Variants in TET2 observed in about 807,000 individuals in gnomAD.
TET2 encodes tet methylcytosine dioxygenase 2.
A neutral mutation model predicts 142.9 loss-of-function variants in TET2; 299 were observed. The observed-to-expected ratio is 2.09, with a 90% CI of 1.90 to 2.30. The LOEUF is 2.30. Ranked by LOEUF, TET2 falls within the 30% of genes most tolerant of loss-of-function variation. The pLI is 0.00. For synonymous variants in TET2, 819 were observed against 849.0 expected, an observed-to-expected ratio of 0.96 and a Z score of 0.61; for missense variants, 2,418 against 2,378.0, an observed-to-expected ratio of 1.02 and a Z score of -0.35.
intron 2 of TET2, among the ~76,000 whole-genome samples, chr4:105,195,124 A>T (rs1056129250): frequency 1.3e-5 from 2 of 152,190 alleles, no homozygotes; most frequent in African/African-American, 4.8e-5. Flanking sequence ...AAAGCATGCT[A>T]AAATAGACTG....
rs1728885827 is a variant in TET2 at position 105,236,218 on chromosome 4, C to A, written c.2276C>A (p.Thr759Asn). ...AAGAATAAAGAGGAAATACTCCAGA[C>A]TTTTCCTCACCCCCAAAGCAACAAT... The part of the protein sequence containing the change: ...QIKNKEEILQ[T>N]FPHPQSNNDQ... Residue 759 changes from threonine to asparagine, a missense_variant, in exon 3 of 11, where the codon ACT becomes AAT. Coordinates refer to ENST00000380013, the MANE Select transcript of TET2 (RefSeq NM_001127208.3). 3 of 1,614,106 alleles carry A rather than the reference C, an allele frequency of 1.9e-6. No individual in the cohort carries two copies. The highest frequency in any genetic ancestry group is 2.5e-6 in the Non-Finnish European group (3 of 1,180,000).
intron 1 of TET2, among the ~76,000 whole-genome samples, chr4:105,161,122 G>A (rs1189205764): frequency 6.6e-6 from 1 of 152,078 alleles, no homozygotes; most frequent in Non-Finnish European, 1.5e-5. Flanking sequence ...TTATCTGACC[G>A]AATCTATTAT....
chr4:105,244,584 A>ATCTTTTTTTTTTTTTTT lies in TET2; in HGVS notation c.3803+807_3803+808insCTTTTTTTTTTTTTTTT, dbSNP rs1237638072. The stretch of plus-strand genomic sequence containing the variant: ...TGAATGTTCACGGTGCTACACAGAA[A>ATCTTTTTTTTTTTTTTT]TGTTTTTTTTTTTTTTTTTTTTTTT... On this transcript the variant is annotated intron_variant, in intron 6 of 10. Coordinates refer to ENST00000380013, the MANE Select transcript of TET2 (RefSeq NM_001127208.3). Among the ~76,000 whole-genome samples the ATCTTTTTTTTTTTTTTT allele has an allele frequency of 7.9e-4, 92 of 116,762 alleles. 9 individuals carry two copies. The highest frequency in any genetic ancestry group is 1.2e-3 in the Non-Finnish European group (72 of 58,238). 76.6% of individuals were successfully genotyped at this position (116,762 alleles called of 152,430 possible).
rs999684061 is a variant in TET2, at chr4:105,235,271, A to G, written c.1329A>G (p.Thr443=). Residue 443 remains threonine, a synonymous_variant, in exon 3 of 11, where the codon ACA becomes ACG. Transcript: ENST00000380013. ...EHHHYPNQSN[T]TLLREVKIEG... ...ACCACTACCCCAACCAAAGTAACAC[A>G]ACACTTTTAAGGGAAGTGAAAATAG... 3.7e-6 allele frequency: 6 copies of G among 1,614,140 alleles called. No individual in the cohort carries two copies. Among genetic ancestry groups the G allele is most frequent in the Middle Eastern group, 1.6e-4 (1 of 6,062 alleles).
chr4:105,204,797 G>A (rs1726718993), intron 2 of TET2, among the ~76,000 whole-genome samples: 1 of 151,896 alleles, frequency 6.6e-6, no homozygotes, highest in African/African-American at 2.4e-5. Context: ...TGTATCTGTA[G>A]GTACAGCACC....
At chr4:105,250,432 A>G (rs1305247051) in intron 6 of TET2, among the ~76,000 whole-genome samples, 5 of 101,018 alleles carry the variant, frequency 4.9e-5, no homozygotes, top group South Asian at 3.1e-4. Context: ...GAGTCTTACT[A>G]TATTACCCAA....
At position 105,275,197 on chromosome 4, in the gene TET2, T is replaced by C; in HGVS notation, c.4687T>C (p.Ser1563Pro). 1.3e-6 allele frequency: 2 copies of C among 1,552,314 alleles called. No individual in the cohort carries two copies. The highest frequency in any genetic ancestry group is 8.7e-7 in the Non-Finnish European group (1 of 1,147,124). ...AGAGTCTGTCAACTCTTATTCTGCT[T>C]CTGGATCCACCAATCCATACATGAG... ...QTESVNSYSA[S>P]GSTNPYMRRP... The change falls in exon 11 of 11, where the codon TCT (serine) becomes CCT (proline). Residue 1563 changes from serine to proline, a missense_variant. Ser to Pro is a moderately conservative substitution (Grantham distance 74, BLOSUM62 -1). Coordinates refer to ENST00000380013, the MANE Select transcript of TET2 (RefSeq NM_001127208.3).
Position 105,261,815 on chromosome 4 carries a change from TAAGAAACTTGCACCTGATGCATA to T in TET2, c.4012_4034del (p.Lys1338Ter). 6.5e-7 allele frequency: 1 copy of T among 1,549,324 alleles called. No individual in the cohort carries two copies. The highest frequency in any genetic ancestry group is 8.7e-7 in the Non-Finnish European group (1 of 1,145,522). ...TGTCCACTCTTATGGCACCAACATA[TAAGAAACTTGCACCTGATGCATA>T]TAATAATCAGGTAAGTTTAAATAAT... On this transcript the variant is annotated frameshift_variant, in exon 8 of 11. Transcript: ENST00000380013. LOFTEE classifies it high-confidence loss of function.
At chr4:105,190,203 A>G (rs1324414046) in intron 1 of TET2, among the ~76,000 whole-genome samples, 157 bp from the exon 2 acceptor site, 4 of 152,196 alleles carry the variant, frequency 2.6e-5, no homozygotes, top group Admixed American at 6.5e-5. Context: ...TGAGAGTGTC[A>G]TTGCTTTGAG....
intron 2 of TET2, among the ~76,000 whole-genome samples, chr4:105,224,144 ATATACCCCCACC>A (rs1235929798): frequency 6.6e-6 from 1 of 152,106 alleles, no homozygotes; most frequent in Non-Finnish European, 1.5e-5. Flanking sequence ...GCAATAAAAG[ATATACCCCCACC>A]TAGAAAAGCA....
At chr4:105,199,596 A>G (rs1413878981) in intron 2 of TET2, among the ~76,000 whole-genome samples, 1 of 152,088 alleles carries the variant, frequency 6.6e-6, no homozygotes, top group Non-Finnish European at 1.5e-5. Flanking sequence ...TGCATAGGCA[A>G]CCTTGGGTCA....
intron 1 of TET2, among the ~76,000 whole-genome samples, chr4:105,169,761 G>A (rs191577119): frequency 6.6e-6 from 1 of 152,270 alleles, no homozygotes; most frequent in African/African-American, 2.4e-5. Context: ...TTTATATAAG[G>A]TGAGAGATGA....
chr4:105,154,429 A>T (rs1453941564), intron 1 of TET2, among the ~76,000 whole-genome samples: 5 of 152,248 alleles, frequency 3.3e-5, no homozygotes, highest in Non-Finnish European at 7.3e-5. Context: ...TTCTAGGAAG[A>T]TGGCATCAAG....
At chr4:105,265,976 G>C (rs1346135029) in intron 8 of TET2, among the ~76,000 whole-genome samples, 1 of 152,138 alleles carries the variant, frequency 6.6e-6, no homozygotes, top group Non-Finnish European at 1.5e-5. Context: ...GGTGACGAGA[G>C]TTCACTATTC....
At chr4:105,198,148 C>A (rs942056907) in intron 2 of TET2, among the ~76,000 whole-genome samples, 3 of 152,012 alleles carry the variant, frequency 2.0e-5, no homozygotes, top group East Asian at 1.9e-4. Context: ...ACCAGCCTGA[C>A]CAGTATGGTG....
intron 1 of TET2, among the ~76,000 whole-genome samples, chr4:105,157,581 T>G (rs1723630507): frequency 6.6e-6 from 1 of 152,230 alleles, no homozygotes; most frequent in Non-Finnish European, 1.5e-5. Context: ...TTGGCTCACC[T>G]TATTAATGGC....
intron 3 of TET2, chr4:105,240,997 T>C (rs958113181): frequency 9.2e-5 from 100 of 1,087,216 alleles, no homozygotes; most frequent in Non-Finnish European, 1.1e-4. Context: ...GTTTTTTTTT[T>C]CCAGCTCAAA....
At position 105,244,584 on chromosome 4, in the gene TET2, A is replaced by ATCTTTTTTTTTTTTTTTTTTTTTTTT. The variant is rs1237638072; in HGVS notation, c.3803+807_3803+808insCTTTTTTTTTTTTTTTTTTTTTTTTT. Among the ~76,000 whole-genome samples, 6 of 116,756 alleles carry ATCTTTTTTTTTTTTTTTTTTTTTTTT rather than the reference A, an allele frequency of 5.1e-5. 1 individual carries two copies. Among genetic ancestry groups the ATCTTTTTTTTTTTTTTTTTTTTTTTT allele is most frequent in the African/African-American group, 1.1e-4 (3 of 28,436 alleles). 76.6% of individuals were successfully genotyped at this position (116,756 alleles called of 152,430 possible). A position where few individuals can be genotyped will look rare whatever the true frequency, so the allele number is the denominator to read the frequency against. On this transcript the variant is annotated intron_variant, in intron 6 of 10. Transcript: ENST00000380013. ...TGAATGTTCACGGTGCTACACAGAAATGTTTTTTTTTTTTTTTTTTTTTTT... is the reference window on the plus strand; with the variant it reads ...TGAATGTTCACGGTGCTACACAGAAATCTTTTTTTTTTTTTTTTTTTTTTTTTGTTTTTTTTTTTTTTTTTTTTTTT...
At chr4:105,259,831 G>A (rs1197909680) in intron 7 of TET2, 62 bp downstream of exon 7, 6 of 1,481,958 alleles carry the variant, frequency 4.0e-6, no homozygotes, top group Non-Finnish European at 5.5e-6. Flanking sequence ...TAGCTTAGAT[G>A]AAGTGAACAA....
Sources: gnomAD v4.1 joint callset for allele counts (sites outside exome capture counted in the v4.1 genomes callset) on GRCh38, gnomAD v4.1.1 for gene constraint, MANE v1.5 for transcripts, NCBI Gene and HGNC (gene_info 2026-07-23, HGNC 2026-07-21) for gene names.